The following THSD7A variants were observed in gnomAD, a reference collection of about 807,000 sequenced individuals.
THSD7A encodes thrombospondin type-1 domain-containing protein 7A.
In THSD7A, 96 loss-of-function variants were observed where a neutral mutation model predicts 231.3. The observed-to-expected ratio is 0.41, with a 90% CI of 0.35 to 0.49. The LOEUF is 0.49. THSD7A is among the 20% of genes least tolerant of loss of function. The pLI is 0.05. For missense variants in THSD7A, 2,290 were observed against 2,070.2 expected, an observed-to-expected ratio of 1.11 and a Z score of -2.06; for synonymous variants, 940 against 743.3, an observed-to-expected ratio of 1.26 and a Z score of -4.30.
chr7:11,681,260 T>A (rs887436992), intron 1 of THSD7A, among the ~76,000 whole-genome samples: 7 of 151,866 alleles, frequency 4.6e-5, no homozygotes, highest in Non-Finnish European at 8.8e-5. Context: ...AGCTGATGGG[T>A]TGATGGGTGC....
At chr7:11,437,768 G>C (rs990779251) in intron 13 of THSD7A, among the ~76,000 whole-genome samples, 3 of 151,698 alleles carry the variant, frequency 2.0e-5, no homozygotes, top group Non-Finnish European at 4.4e-5. Flanking sequence ...ATTCAATTTT[G>C]TTTCTAATTA....
rs1781764942 is a variant in THSD7A at position 11,634,538 on chromosome 7, G to C, written c.1022+1592C>G. 6.6e-6 allele frequency among the ~76,000 whole-genome samples: 1 copy of C among 151,788 alleles called. No individual in the cohort carries two copies. The highest frequency in any genetic ancestry group is 2.1e-4 in the South Asian group (1 of 4,822). On this transcript the variant is annotated intron_variant, in intron 2 of 27. Coordinates refer to ENST00000423059, the MANE Select transcript of THSD7A (RefSeq NM_015204.3). This position sits in a 1 kb window ranked among gnomAD's most constrained non-coding sequence, Gnocchi z 4.1. ...AAAATCACCAGAATAAGGATAGTCA[G>C]AAAAGAACAAAATAGGAATTGAGTT...
In THSD7A at chr7:11,473,803, C is replaced by T. The variant is rs942714085; in HGVS notation, c.2252+531G>A. On this transcript the variant is annotated intron_variant, in intron 8 of 27. Coordinates refer to ENST00000423059, the MANE Select transcript of THSD7A (RefSeq NM_015204.3). ...CTACTTATAATAACACTCATCCTAT[C>T]CCAAGGCTCTCTCTTGGAAGTAAAT... Among the ~76,000 whole-genome samples the T allele has an allele frequency of 2.0e-5, 3 of 152,072 alleles. No homozygotes were observed. In the East Asian group the frequency reaches 5.8e-4, roughly 29 times the overall value.
intron 1 of THSD7A, among the ~76,000 whole-genome samples, chr7:11,685,986 G>A (rs1376539437): frequency 1.3e-5 from 2 of 151,884 alleles, no homozygotes; most frequent in African/African-American, 4.8e-5. Context: ...ATTAATGGTG[G>A]ACTGGATAAA....
chr7:11,489,080 A>C (rs1342879512), intron 6 of THSD7A, among the ~76,000 whole-genome samples: 1 of 152,032 alleles, frequency 6.6e-6, no homozygotes, highest in Non-Finnish European at 1.5e-5. Context: ...CTTTACTTCC[A>C]TTAGCCTATG....
chr7:11,439,454 A>G (rs1433698128), intron 13 of THSD7A, among the ~76,000 whole-genome samples: 1 of 151,924 alleles, frequency 6.6e-6, no homozygotes, highest in Non-Finnish European at 1.5e-5. Flanking sequence ...CATTATTATT[A>G]TATCTGTTAT....
At chr7:11,773,009 T>C (rs976830246) in intron 1 of THSD7A, among the ~76,000 whole-genome samples, 1 of 152,112 alleles carries the variant, frequency 6.6e-6, no homozygotes, top group Non-Finnish European at 1.5e-5. Flanking sequence ...CTGATAGTCA[T>C]ACAGAAATCA....
chr7:11,734,734 C>A (rs778167021), intron 1 of THSD7A, among the ~76,000 whole-genome samples: 2 of 151,816 alleles, frequency 1.3e-5, no homozygotes, highest in South Asian at 4.1e-4. Flanking sequence ...TTTTTTTCCC[C>A]ATATTCAGGG....
At chr7:11,513,028 G>C (rs1364183693) in intron 6 of THSD7A, among the ~76,000 whole-genome samples, 4 of 148,114 alleles carry the variant, frequency 2.7e-5, no homozygotes, top group Non-Finnish European at 5.9e-5. Context: ...TGAGATTGGA[G>C]ACTATTATTC....
At chr7:11,455,178 T>G (rs1785267180) in intron 11 of THSD7A, among the ~76,000 whole-genome samples, 1 of 152,058 alleles carries the variant, frequency 6.6e-6, no homozygotes, top group Admixed American at 6.6e-5. Flanking sequence ...AGAAGATGAC[T>G]GTCTGCAAGT....
chr7:11,620,115 T>C (rs1781254771), intron 2 of THSD7A, among the ~76,000 whole-genome samples: 1 of 152,212 alleles, frequency 6.6e-6, no homozygotes, highest in Non-Finnish European at 1.5e-5. Flanking sequence ...TTAATAATTT[T>C]ATTCTTACTT....
At chr7:11,378,403 T>C (rs913370848) in intron 26 of THSD7A, among the ~76,000 whole-genome samples, 1 of 152,220 alleles carries the variant, frequency 6.6e-6, no homozygotes, top group African/African-American at 2.4e-5. Flanking sequence ...GAGTAGAGAA[T>C]AGCATATCAT....
chr7:11,769,192 T>C (rs1425663753), intron 1 of THSD7A, among the ~76,000 whole-genome samples: 1 of 137,450 alleles, frequency 7.3e-6, no homozygotes, highest in African/African-American at 2.7e-5. Context: ...AGATGGGGTT[T>C]CACTATGTTA....
intron 7 of THSD7A, among the ~76,000 whole-genome samples, chr7:11,479,828 G>A (rs1022802650): frequency 3.3e-5 from 5 of 151,866 alleles, no homozygotes; most frequent in Non-Finnish European, 5.9e-5. Flanking sequence ...GTAAATAGCA[G>A]CAGAGACAAA....
intron 4 of THSD7A, among the ~76,000 whole-genome samples, chr7:11,551,627 C>A (rs1357810989): frequency 6.6e-6 from 1 of 152,032 alleles, no homozygotes; most frequent in African/African-American, 2.4e-5. Flanking sequence ...CAGAGACAAT[C>A]AAATCAAAAC....
At chr7:11,512,258 T>C (rs1402888782) in intron 6 of THSD7A, among the ~76,000 whole-genome samples, 2 of 152,122 alleles carry the variant, frequency 1.3e-5, no homozygotes, top group African/African-American at 2.4e-5. Flanking sequence ...CAAGTTAGAA[T>C]GGTGATCATT....
chr7:11,563,913 GGT>G (rs1393737803), intron 4 of THSD7A, among the ~76,000 whole-genome samples: 5 of 151,960 alleles, frequency 3.3e-5, no homozygotes, highest in African/African-American at 1.2e-4. Context: ...CTTGAATTGT[GGT>G]GAGGTCACAA....
chr7:11,828,092 T>C (rs1020980653), intron 1 of THSD7A, among the ~76,000 whole-genome samples: 3 of 152,230 alleles, frequency 2.0e-5, no homozygotes, highest in Non-Finnish European at 4.4e-5. Flanking sequence ...TTCCAGCTTC[T>C]AAACTCATCT....
rs564211808 is a variant in THSD7A at position 11,590,985 on chromosome 7, G to T, written c.1272-344C>A. On this transcript the variant is annotated intron_variant, in intron 3 of 27. Coordinates refer to ENST00000423059, the MANE Select transcript of THSD7A (RefSeq NM_015204.3). This position sits in a 1 kb window ranked among gnomAD's most constrained non-coding sequence, Gnocchi z 4.4. ...TTTCTTGTTGCCTATAAACAAAGGT[G>T]GATTGAATATGAAAATGGGAAACAT... 6.6e-6 allele frequency among the ~76,000 whole-genome samples: 1 copy of T among 152,166 alleles called. No homozygotes were observed. Among genetic ancestry groups the T allele is most frequent in the East Asian group, 1.9e-4 (1 of 5,174 alleles).
Sources: allele counts gnomAD v4.1 joint callset (sites outside exome capture counted in the v4.1 genomes callset), GRCh38; gene constraint gnomAD v4.1.1; non-coding constraint Gnocchi (gnomAD v3.1); transcripts MANE v1.5; gene names NCBI Gene and HGNC (gene_info 2026-07-23, HGNC 2026-07-21).